KCND2: variants seen among roughly 807,000 people sequenced by gnomAD.
KCND2 encodes the protein potassium voltage-gated channel subfamily D member 2.
KCND2 carries 16 observed loss-of-function variants against 54.4 expected under a neutral mutation model. The observed-to-expected ratio is 0.29, with a 90% CI of 0.20 to 0.45. The LOEUF (loss-of-function observed/expected upper bound fraction) is 0.45, where lower values mean the gene tolerates loss of function less well. Ranked by LOEUF, KCND2 falls within the 20% of genes least tolerant of loss-of-function variation. The pLI is 1.00. For missense variants in KCND2, 486 were observed against 824.2 expected, an observed-to-expected ratio of 0.59 and a Z score of 5.02; for synonymous variants, 317 against 310.7, an observed-to-expected ratio of 1.02 and a Z score of -0.21.
At chr7:120,533,560 T>C (rs1326108788) in intron 1 of KCND2, among the ~76,000 whole-genome samples, 1 of 152,160 alleles carries the variant, frequency 6.6e-6, no homozygotes, top group Non-Finnish European at 1.5e-5. Flanking sequence ...GGTACTGCTC[T>C]TAAAAATGAT....
chr7:120,448,487 CAT>C, intron 1 of KCND2, among the ~76,000 whole-genome samples: 1 of 152,242 alleles, frequency 6.6e-6, no homozygotes, highest in East Asian at 1.9e-4. Context: ...CTGCAATAAA[CAT>C]ACGTGTGCAT....
At chr7:120,672,109 C>A (rs976291915) in intron 1 of KCND2, among the ~76,000 whole-genome samples, 1 of 152,026 alleles carries the variant, frequency 6.6e-6, no homozygotes, top group South Asian at 2.1e-4. Flanking sequence ...TGGATTATCT[C>A]CTAGTTCTAT....
At chr7:120,429,955 A>G (rs12538872) in intron 1 of KCND2, among the ~76,000 whole-genome samples, 10,068 of 152,244 alleles carry the variant, frequency 0.066, 1,081 homozygotes, top group East Asian at 0.53. Flanking sequence ...TGATCTATGC[A>G]TGATCATGCA....
At chr7:120,388,632 A>G (rs1389779363) in intron 1 of KCND2, among the ~76,000 whole-genome samples, 2 of 151,890 alleles carry the variant, frequency 1.3e-5, no homozygotes, top group East Asian at 1.9e-4. Context: ...TGAGAGCCAG[A>G]CTCACACCTC....
chr7:120,618,812 G>A (rs1003074512), intron 1 of KCND2, among the ~76,000 whole-genome samples: 1 of 152,086 alleles, frequency 6.6e-6, no homozygotes, highest in African/African-American at 2.4e-5. Flanking sequence ...GATATTCAGT[G>A]TACTAAGAGA....
intron 1 of KCND2, among the ~76,000 whole-genome samples, chr7:120,359,429 C>T (rs1800559120): frequency 6.6e-6 from 1 of 152,046 alleles, no homozygotes; most frequent in Admixed American, 6.6e-5. Flanking sequence ...CATCTCCAAA[C>T]ATTTAAGATA....
chr7:120,350,419 AT>A (rs1477833750), intron 1 of KCND2, among the ~76,000 whole-genome samples: 2 of 152,158 alleles, frequency 1.3e-5, no homozygotes, highest in East Asian at 3.8e-4. Context: ...CAGGAATTAT[AT>A]ATAATCAATG....
intron 5 of KCND2, among the ~76,000 whole-genome samples, chr7:120,747,129 A>T (rs1167345005): frequency 6.6e-6 from 1 of 152,090 alleles, no homozygotes; most frequent in Non-Finnish European, 1.5e-5. Context: ...CCTTCCCCAC[A>T]TAGAGTATAC....
At chr7:120,612,526 A>G (rs1792969510) in intron 1 of KCND2, among the ~76,000 whole-genome samples, 1 of 152,254 alleles carries the variant, frequency 6.6e-6, no homozygotes, top group Admixed American at 6.5e-5. Flanking sequence ...GACATGGATA[A>G]TTGTTTTACA....
chr7:120,551,373 A>C (rs1437368045), intron 1 of KCND2, among the ~76,000 whole-genome samples: 1 of 152,186 alleles, frequency 6.6e-6, no homozygotes, highest in Non-Finnish European at 1.5e-5. Flanking sequence ...ATATTTGTTC[A>C]GTCATTGGTA....
intron 1 of KCND2, among the ~76,000 whole-genome samples, chr7:120,604,408 G>A (rs867987413): frequency 1.1e-4 from 16 of 150,470 alleles, no homozygotes; most frequent in African/African-American, 3.9e-4. Context: ...TGAGGCAGGA[G>A]AATCACTTCA....
At chr7:120,559,379 C>T (rs1338096868) in intron 1 of KCND2, among the ~76,000 whole-genome samples, 2 of 152,170 alleles carry the variant, frequency 1.3e-5, no homozygotes, top group Non-Finnish European at 2.9e-5. Context: ...TGGTCAACAA[C>T]TACACTTGCA....
intron 1 of KCND2, among the ~76,000 whole-genome samples, chr7:120,412,123 A>G (rs1337886796): frequency 6.6e-6 from 1 of 152,086 alleles, no homozygotes; most frequent in African/African-American, 2.4e-5. Flanking sequence ...CAATTTTCTC[A>G]TAAACAATAA....
intron 1 of KCND2, among the ~76,000 whole-genome samples, chr7:120,576,745 A>G (rs992650506): frequency 1.3e-5 from 2 of 152,196 alleles, no homozygotes; most frequent in African/African-American, 4.8e-5. Context: ...TCCACAGATG[A>G]TTACAGACTG....
At chr7:120,535,574 G>A (rs757570928) in intron 1 of KCND2, among the ~76,000 whole-genome samples, 23 of 152,144 alleles carry the variant, frequency 1.5e-4, no homozygotes, top group South Asian at 1.0e-3. Context: ...ATGGAAAGAA[G>A]TTCCCAGAAG....
intron 1 of KCND2, among the ~76,000 whole-genome samples, chr7:120,349,297 T>TACACAC (rs778393742): frequency 7.1e-6 from 1 of 141,080 alleles, no homozygotes; most frequent in Non-Finnish European, 1.5e-5. Context: ...TAAGCTGCTA[T>TACACAC]ACACACACAC....
chr7:120,669,974 A>G (rs1791971266), intron 1 of KCND2, among the ~76,000 whole-genome samples: 1 of 152,114 alleles, frequency 6.6e-6, no homozygotes, highest in Non-Finnish European at 1.5e-5. Context: ...TGTTAATTAC[A>G]TATAAAGCTT....
intron 1 of KCND2, among the ~76,000 whole-genome samples, chr7:120,335,336 C>T (rs1370905691): frequency 2.8e-4 from 31 of 109,344 alleles, no homozygotes; most frequent in African/African-American, 4.9e-4. Context: ...CCAGCCTGGG[C>T]GACAGAGCAA....
chr7:120,506,319 G>A (rs1803018105), intron 1 of KCND2, among the ~76,000 whole-genome samples: 1 of 151,726 alleles, frequency 6.6e-6, no homozygotes, highest in African/African-American at 2.4e-5. Context: ...GACAGTGGCT[G>A]GTTAATTAGA....
Sources: gnomAD v4.1 joint callset for allele counts (sites outside exome capture counted in the v4.1 genomes callset) on GRCh38, gnomAD v4.1.1 for gene constraint, MANE v1.5 for transcripts, NCBI Gene and HGNC (gene_info 2026-07-23, HGNC 2026-07-21) for gene names.